RCBTB2: variants seen among roughly 807,000 people sequenced by gnomAD.
The protein encoded by RCBTB2 is RCC1 and BTB domain-containing protein 2.
In RCBTB2, 55 loss-of-function variants were observed where a neutral mutation model predicts 65.4. That is an observed-to-expected ratio of 0.84 (90% CI 0.68 to 1.05). The LOEUF is 1.05. RCBTB2 is among the 50% of genes least tolerant of loss of function. RCBTB2 has a pLI of 0.00. For missense variants in RCBTB2, 599 were observed against 680.1 expected (o/e 0.88, Z 1.33); for synonymous variants, 220 against 255.2 (o/e 0.86, Z 1.31).
chr13:48,509,560 T>C (rs9332009), intron 10 of RCBTB2, among the ~76,000 whole-genome samples: 3,154 of 152,222 alleles, frequency 0.021, 118 homozygotes, highest in African/African-American at 0.072. Context: ...ACCTCCTGCC[T>C]CCATTATTGT....
At chr13:48,506,834 C>T (rs142909477) in intron 10 of RCBTB2, among the ~76,000 whole-genome samples, 3 of 152,292 alleles carry the variant, frequency 2.0e-5, no homozygotes, top group Non-Finnish European at 2.9e-5. Context: ...GCAAAGACTT[C>T]TACATTTTTT....
At chr13:48,506,762 A>G (rs1172854732) in intron 10 of RCBTB2, among the ~76,000 whole-genome samples, 1 of 152,238 alleles carries the variant, frequency 6.6e-6, no homozygotes, top group Non-Finnish European at 1.5e-5. Flanking sequence ...CAATGTGAAG[A>G]TAAGCATTTA....
intron 9 of RCBTB2, among the ~76,000 whole-genome samples, chr13:48,511,370 A>G (rs2138532946): frequency 6.6e-6 from 1 of 152,250 alleles, no homozygotes; most frequent in Non-Finnish European, 1.5e-5. Flanking sequence ...TTGATTAGTA[A>G]ATTCTGTTAC....
chr13:48,511,816 G>A lies in RCBTB2; in HGVS notation c.737C>T (p.Pro246Leu), dbSNP rs1950812294. 6.2e-7 allele frequency: 1 copy of A among 1,614,196 alleles called. No homozygotes were observed. The highest frequency in any genetic ancestry group is 1.1e-5 in the South Asian group (1 of 91,086). Residue 246 changes from proline (P) to leucine (L), a missense_variant, in exon 9 of 15, where the codon CCA (proline) becomes CTA (leucine). Physicochemically the swap from Pro to Leu is moderately conservative, Grantham distance 98 (BLOSUM62 -3). Coordinates refer to ENST00000344532, the MANE Select transcript of RCBTB2 (RefSeq NM_001268.4). ...CAAAGCTGCCACTCTGCAAGGGGTT[G>A]GCTGGTTGCCACTGTTGCCGAGTCC... Reference protein sequence around the residue: ...QLGLGNSGNQPTPCRVAALQG... With the variant: ...QLGLGNSGNQLTPCRVAALQG...
chr13:48,510,536 C>A, intron 10 of RCBTB2, 93 bp downstream of exon 10: 1 of 1,322,484 alleles, frequency 7.6e-7, no homozygotes, highest in Non-Finnish European at 1.0e-6. Context: ...CTAACACTAG[C>A]AGTACATTCC....
At chr13:48,532,570 C>T (rs954912427) in intron 1 of RCBTB2, 2 of 133,354 alleles carry the variant, frequency 1.5e-5, no homozygotes, top group African/African-American at 9.6e-5. Context: ...ACCTGTGACG[C>T]CCCCCCAGCC....
At chr13:48,504,490 G>A (rs1218394386) in intron 10 of RCBTB2, 1 of 280,400 alleles carries the variant, frequency 3.6e-6, no homozygotes, top group Non-Finnish European at 5.4e-6. Flanking sequence ...TACCCATCTT[G>A]TAAGGCCCAG....
At chr13:48,518,353 GACACCTTCTGTTATCTTTTGGGCA>G (rs1824330456) in intron 4 of RCBTB2, among the ~76,000 whole-genome samples, 1 of 150,902 alleles carries the variant, frequency 6.6e-6, no homozygotes, top group Non-Finnish European at 1.5e-5. Context: ...CCCTAAAAAG[GACACCTTCTGTTATCTTTTGGGCA>G]ACACCAACAG....
intron 10 of RCBTB2, 61 bp from the exon 11 acceptor site, chr13:48,502,975 T>C: frequency 2.1e-6 from 3 of 1,444,026 alleles, no homozygotes; most frequent in Non-Finnish European, 2.8e-6. Flanking sequence ...AGTTGGGTCC[T>C]CCTCCCGCCA....
At chr13:48,508,286 C>T (rs1950602787) in intron 10 of RCBTB2, among the ~76,000 whole-genome samples, 1 of 152,200 alleles carries the variant, frequency 6.6e-6, no homozygotes, top group South Asian at 2.1e-4. Flanking sequence ...ACCTATAAAC[C>T]CCTCCCTCGG....
At chr13:48,529,913 T>TG in intron 1 of RCBTB2, among the ~76,000 whole-genome samples, 1 of 152,274 alleles carries the variant, frequency 6.6e-6, no homozygotes, top group South Asian at 2.1e-4. Context: ...ATTTATGAGA[T>TG]GGGGTCTTAC....
chr13:48,511,812 G>C lies in RCBTB2; in HGVS notation c.741C>G (p.Thr247=). 1 of 1,614,168 alleles carries C rather than the reference G, an allele frequency of 6.2e-7. No homozygotes were observed. The highest frequency in any genetic ancestry group is 1.3e-5 in the African/African-American group (1 of 75,032). The part of the protein sequence containing the change: ...LGLGNSGNQP[T]PCRVAALQGI... ...CTTGCAAAGCTGCCACTCTGCAAGG[G>C]GTTGGCTGGTTGCCACTGTTGCCGA... The change falls in exon 9 of 15, where the codon ACC becomes ACG. Residue 247 remains threonine, a synonymous_variant. Transcript: ENST00000344532.
intron 4 of RCBTB2, among the ~76,000 whole-genome samples, chr13:48,518,472 A>ATATATAT (rs1555307423): frequency 1.3e-3 from 157 of 116,540 alleles, no homozygotes; most frequent in Non-Finnish European, 2.0e-3. Flanking sequence ...AAAAAAAAAA[A>ATATATAT]ATATATATAT....
chr13:48,532,738 C>G, intron 1 of RCBTB2: 1 of 300,064 alleles, frequency 3.3e-6, no homozygotes, highest in Non-Finnish European at 6.5e-6. Flanking sequence ...GCACCGGGCC[C>G]ACGCCAGCGG....
chr13:48,515,941 G>A (rs1252528973), intron 4 of RCBTB2, among the ~76,000 whole-genome samples, 200 bp from the exon 5 acceptor site: 1 of 152,234 alleles, frequency 6.6e-6, no homozygotes, highest in Non-Finnish European at 1.5e-5. Flanking sequence ...CGGAGGCCCG[G>A]ATGGAACCAG....
intron 10 of RCBTB2, among the ~76,000 whole-genome samples, chr13:48,508,464 A>G (rs553226144): frequency 3.3e-5 from 5 of 151,084 alleles, no homozygotes; most frequent in Admixed American, 1.3e-4. Context: ...GCTAGAGTGC[A>G]GTGTCGCGAT....
chr13:48,512,161 C>G lies in RCBTB2; in HGVS notation c.530G>C (p.Gly177Ala). Residue 177 changes from glycine to alanine, a missense_variant, in exon 8 of 15, where the codon GGT (glycine) becomes GCT (alanine). Transcript: ENST00000344532. ...LTSDGEVFAW[G>A]YNNSGQVGSG... The stretch of plus-strand genomic sequence containing the variant: ...TCCTACCTGCCCAGAGTTATTATAA[C>G]CCCAGGCAAATACCTGTTTAAAGGA... The G allele has an allele frequency of 6.2e-7, 1 of 1,613,202 alleles. No individual in the cohort carries two copies. The highest frequency in any genetic ancestry group is 8.5e-7 in the Non-Finnish European group (1 of 1,179,290).
At chr13:48,496,855 G>A (rs185291130) in intron 13 of RCBTB2, among the ~76,000 whole-genome samples, 44 of 134,532 alleles carry the variant, frequency 3.3e-4, no homozygotes, top group African/African-American at 1.2e-3. Flanking sequence ...GGAGAGGAGG[G>A]GAGGGGAGAC....
chr13:48,511,270 G>C (rs1331769579), intron 9 of RCBTB2, among the ~76,000 whole-genome samples: 1 of 151,996 alleles, frequency 6.6e-6, no homozygotes, highest in Admixed American at 6.5e-5. Flanking sequence ...ACACATAGCA[G>C]TTTTCCATGT....
Sources: gnomAD v4.1 joint callset for allele counts (sites outside exome capture counted in the v4.1 genomes callset) on GRCh38, gnomAD v4.1.1 for gene constraint, MANE v1.5 for transcripts, NCBI Gene and HGNC (gene_info 2026-07-23, HGNC 2026-07-21) for gene names.